Variants in GPC6 observed in about 807,000 individuals in gnomAD.
The protein encoded by GPC6 is glypican 6.
GPC6 carries 14 observed loss-of-function variants against 55.2 expected under a neutral mutation model. The observed-to-expected ratio is 0.25, with a 90% CI of 0.17 to 0.40. The LOEUF (loss-of-function observed/expected upper bound fraction) is 0.40, where lower values mean the gene tolerates loss of function less well. Among genes scored for constraint, GPC6 ranks in the 10% least tolerant of loss-of-function variants. The pLI is 1.00. For synonymous variants in GPC6, 278 were observed against 259.6 expected (o/e 1.07, Z -0.68); for missense variants, 641 against 708.5 (o/e 0.90, Z 1.08).
chr13:94,332,519 G>A (rs1877476984), intron 6 of GPC6, among the ~76,000 whole-genome samples: 1 of 152,200 alleles, frequency 6.6e-6, no homozygotes, highest in Non-Finnish European at 1.5e-5. Context: ...TCTGTACATA[G>A]TTTTTGTTGC....
At chr13:93,897,899 C>G (rs1433318628) in intron 3 of GPC6, among the ~76,000 whole-genome samples, 3 of 152,052 alleles carry the variant, frequency 2.0e-5, no homozygotes, top group Non-Finnish European at 4.4e-5. Context: ...CTACACTTTC[C>G]CAATTCCCTA....
At chr13:94,360,658 C>T (rs1879018427) in intron 6 of GPC6, among the ~76,000 whole-genome samples, 1 of 152,152 alleles carries the variant, frequency 6.6e-6, no homozygotes, top group South Asian at 2.1e-4. Context: ...AGAACATTAG[C>T]ATGGACTGAT....
chr13:93,363,816 T>C (rs1881138724), intron 1 of GPC6, among the ~76,000 whole-genome samples: 1 of 151,968 alleles, frequency 6.6e-6, no homozygotes, highest in Non-Finnish European at 1.5e-5. Flanking sequence ...GACTTTTTAA[T>C]GATTGCCATT....
chr13:93,500,095 A>C (rs1880466490), intron 1 of GPC6, among the ~76,000 whole-genome samples: 1 of 151,880 alleles, frequency 6.6e-6, no homozygotes, highest in Non-Finnish European at 1.5e-5. Context: ...GAATCCTTTT[A>C]TTTTTTGGCA....
At chr13:93,544,405 C>A (rs1874645434) in intron 1 of GPC6, among the ~76,000 whole-genome samples, 1 of 152,062 alleles carries the variant, frequency 6.6e-6, no homozygotes. Flanking sequence ...ATAGCAGGAG[C>A]AATTTGTTGG....
At chr13:93,418,805 G>A (rs1276642386) in intron 1 of GPC6, among the ~76,000 whole-genome samples, 3 of 150,660 alleles carry the variant, frequency 2.0e-5, no homozygotes, top group Non-Finnish European at 3.0e-5. Flanking sequence ...TTTATTAATG[G>A]CACTATACCA....
intron 6 of GPC6, among the ~76,000 whole-genome samples, chr13:94,334,346 T>C (rs987047068): frequency 3.3e-5 from 5 of 152,258 alleles, no homozygotes; most frequent in African/African-American, 1.2e-4. Flanking sequence ...CAACCTCAGC[T>C]GTACATTACA....
At chr13:94,110,395 T>C (rs1428697072) in intron 4 of GPC6, among the ~76,000 whole-genome samples, 1 of 152,066 alleles carries the variant, frequency 6.6e-6, no homozygotes, top group African/African-American at 2.4e-5. Context: ...GAAAAACCTA[T>C]CTGCCTATTA....
intron 5 of GPC6, among the ~76,000 whole-genome samples, chr13:94,294,301 C>A (rs1166161154): frequency 2.6e-5 from 4 of 152,232 alleles, no homozygotes; most frequent in African/African-American, 9.6e-5. Flanking sequence ...AGACTTATTA[C>A]ATTCCAATTG....
Position 93,426,665 on chromosome 13 carries a change from C to G in GPC6, c.161-118598C>G, listed in dbSNP as rs1403547805. Among the ~76,000 whole-genome samples the G allele has an allele frequency of 6.6e-5, 10 of 151,988 alleles. No individual in the cohort carries two copies. In the South Asian group the frequency reaches 8.3e-4, roughly 13 times the overall value. ...TTGGACATTTGGGTTGGTTCCAAGT[C>G]TTTGCTATTGTGAATAGTGCCGCAA... is the stretch of plus-strand genomic sequence containing the variant. On this transcript the variant is annotated intron_variant, in intron 1 of 8. Coordinates refer to ENST00000377047, the MANE Select transcript of GPC6 (RefSeq NM_005708.5).
chr13:93,365,335 G>A (rs1881205200), intron 1 of GPC6, among the ~76,000 whole-genome samples: 1 of 152,020 alleles, frequency 6.6e-6, no homozygotes, highest in African/African-American at 2.4e-5. Flanking sequence ...TGATCAACCT[G>A]ATTTGGTAGG....
rs145844034 is a variant in GPC6 at position 93,702,401 on chromosome 13, C to G, written c.320-127753C>G. ...GCTTTGTTTTTTTGTTTCTAGAACA[C>G]AGACAGTGTAAAGTTAGCATCATTC... On this transcript the variant is annotated intron_variant, in intron 2 of 8. Coordinates refer to ENST00000377047, the MANE Select transcript of GPC6 (RefSeq NM_005708.5). Among the ~76,000 whole-genome samples, 197 of 152,044 alleles carry G rather than the reference C, an allele frequency of 1.3e-3. 1 individual carries two copies. Among genetic ancestry groups the G allele is most frequent in the African/African-American group, 4.5e-3 (188 of 41,534 alleles).
Position 93,288,926 on chromosome 13 carries a change from A to T in GPC6, c.160+61310A>T, listed in dbSNP as rs192112692. 6.6e-5 allele frequency among the ~76,000 whole-genome samples: 10 copies of T among 152,314 alleles called. No homozygotes were observed. The East Asian group carries it at 1.9e-3, about 29-fold the overall frequency. ...TACAGACCTGTATAGGGCAGTCTACAACCACAGGCCAGTTACAGTAATTAA... is the reference window on the plus strand; with the variant it reads ...TACAGACCTGTATAGGGCAGTCTACTACCACAGGCCAGTTACAGTAATTAA... On this transcript the variant is annotated intron_variant, in intron 1 of 8. Coordinates refer to ENST00000377047, the MANE Select transcript of GPC6 (RefSeq NM_005708.5).
In GPC6 at chr13:93,505,452, G is replaced by C. The variant is rs566236946; in HGVS notation, c.161-39811G>C. On this transcript the variant is annotated intron_variant, in intron 1 of 8. Coordinates refer to ENST00000377047, the MANE Select transcript of GPC6 (RefSeq NM_005708.5). ...ACGTGCACACACACACACACACACA[G>C]AGACAGAGAGAGAGAGAGAGAGAAA... Among the ~76,000 whole-genome samples the C allele has an allele frequency of 1.7e-3, 251 of 145,470 alleles. 1 individual carries two copies. Among genetic ancestry groups the C allele is most frequent in the African/African-American group, 5.9e-3 (237 of 40,302 alleles).
At chr13:93,940,867 G>A (rs1327342666) in intron 3 of GPC6, among the ~76,000 whole-genome samples, 2 of 152,150 alleles carry the variant, frequency 1.3e-5, no homozygotes, top group Non-Finnish European at 2.9e-5. Context: ...TGTTCATGGC[G>A]GGAGGGGTGG....
chr13:94,112,306 AT>A (rs775584783), intron 4 of GPC6, among the ~76,000 whole-genome samples: 3 of 152,136 alleles, frequency 2.0e-5, no homozygotes, highest in Admixed American at 6.6e-5. Flanking sequence ...TTGTTATTTC[AT>A]TTGCTAAAGT....
At chr13:94,280,090 G>A (rs1351360835) in intron 4 of GPC6, among the ~76,000 whole-genome samples, 1 of 152,190 alleles carries the variant, frequency 6.6e-6, no homozygotes. Context: ...TTCTTTGTAG[G>A]TCTCTAAGAA....
intron 1 of GPC6, among the ~76,000 whole-genome samples, chr13:93,366,648 G>A (rs1881259801): frequency 6.6e-6 from 1 of 152,064 alleles, no homozygotes; most frequent in African/African-American, 2.4e-5. Flanking sequence ...TTTGGGGAGT[G>A]TTAGGGGAAA....
upstream of GPC6, among the ~76,000 whole-genome samples, chr13:93,225,637 T>C (rs1875752575): frequency 1.3e-5 from 2 of 152,174 alleles, no homozygotes; most frequent in African/African-American, 4.8e-5. Flanking sequence ...CTTGAGAGTC[T>C]TTTTGGTGGT....
Sources: allele counts gnomAD v4.1 joint callset (sites outside exome capture counted in the v4.1 genomes callset), GRCh38; gene constraint gnomAD v4.1.1; transcripts MANE v1.5; gene names NCBI Gene and HGNC (gene_info 2026-07-23, HGNC 2026-07-21).